CSMD1: variants seen among roughly 807,000 people sequenced by gnomAD.
The protein encoded by CSMD1 is CUB and sushi domain-containing protein 1.
In CSMD1, 213 loss-of-function variants were observed where a neutral mutation model predicts 417.5. The ratio of observed to expected loss-of-function variants is 0.51; its 90% CI spans 0.46 to 0.57. The LOEUF (loss-of-function observed/expected upper bound fraction) is 0.57, where lower values mean the gene tolerates loss of function less well. CSMD1 is among the 20% of genes least tolerant of loss of function. The pLI is 0.00. For synonymous variants in CSMD1, 2,862 were observed against 1,736.8 expected, an observed-to-expected ratio of 1.65 and a Z score of -16.11; for missense variants, 6,923 against 4,529.7, an observed-to-expected ratio of 1.53 and a Z score of -15.17.
At chr8:3,628,776 A>G (rs764254059) in intron 7 of CSMD1, among the ~76,000 whole-genome samples, 30 of 152,144 alleles carry the variant, frequency 2.0e-4, no homozygotes, top group Non-Finnish European at 3.8e-4. Context: ...CAGCCAAATT[A>G]TTAGTGGCTT....
At chr8:4,835,211 G>T (rs946168296) in intron 1 of CSMD1, among the ~76,000 whole-genome samples, 2 of 151,978 alleles carry the variant, frequency 1.3e-5, no homozygotes, top group Admixed American at 1.3e-4. Context: ...ATTTATTAGC[G>T]TCAGAGAGGA....
In CSMD1 at chr8:3,209,366, G is replaced by T. The variant is rs144030023; in HGVS notation, c.4868-3746C>A. On this transcript the variant is annotated intron_variant, in intron 30 of 69. Transcript: ENST00000635120. ...GAGTCTTGCTCTGTGGCCCAGGCTG[G>T]AGTACAGTGGCGTGATCTCGGCTCA... Among the ~76,000 whole-genome samples the T allele has an allele frequency of 5.4e-3, 827 of 152,064 alleles. 4 individuals are homozygous for T. The highest frequency in any genetic ancestry group is 0.01 in the South Asian group (48 of 4,800).
chr8:4,869,169 A>C (rs7825700), intron 1 of CSMD1, among the ~76,000 whole-genome samples: 1 of 151,930 alleles, frequency 6.6e-6, no homozygotes. Flanking sequence ...CTAGTAATAA[A>C]TATGGCAATA....
chr8:3,217,589 A>T (rs558037349), intron 29 of CSMD1, among the ~76,000 whole-genome samples: 5 of 152,216 alleles, frequency 3.3e-5, no homozygotes, highest in Non-Finnish European at 5.9e-5. Flanking sequence ...AATGCATTTT[A>T]GTGAATTCTT....
chr8:3,589,412 G>A (rs80171044), intron 8 of CSMD1, among the ~76,000 whole-genome samples: 36 of 151,142 alleles, frequency 2.4e-4, no homozygotes, highest in East Asian at 5.8e-4. Flanking sequence ...GTGTTCACGC[G>A]TGTGTGTACA....
rs181753875 is a variant in CSMD1 at position 3,757,537 on chromosome 8, T to C, written c.819-3495A>G. Among the ~76,000 whole-genome samples the C allele has an allele frequency of 4.2e-3, 638 of 152,326 alleles. 2 individuals are homozygous for C. The highest frequency in any genetic ancestry group is 6.8e-3 in the Non-Finnish European group (461 of 68,032). Reference sequence around the variant, plus strand: ...CAGATTTGGCCTGCAGGTACTAGTTTGCTGACCCCTGCTCTAGCATATATG... The same window carrying C: ...CAGATTTGGCCTGCAGGTACTAGTTCGCTGACCCCTGCTCTAGCATATATG... On this transcript the variant is annotated intron_variant, in intron 5 of 69. Coordinates refer to ENST00000635120, the MANE Select transcript of CSMD1 (RefSeq NM_033225.6).
intron 23 of CSMD1, among the ~76,000 whole-genome samples, chr8:3,320,498 G>C (rs1292589063): frequency 6.6e-6 from 1 of 152,170 alleles, no homozygotes; most frequent in African/African-American, 2.4e-5. Context: ...ATTTGTTGCT[G>C]CTGTTATGAC....
chr8:3,890,465 A>G (rs1318701667), intron 5 of CSMD1, among the ~76,000 whole-genome samples: 2 of 151,878 alleles, frequency 1.3e-5, no homozygotes, highest in Non-Finnish European at 2.9e-5. Context: ...ATTCCAGCTG[A>G]GTGAGGGAAG....
chr8:3,936,808 T>C (rs560600811), intron 5 of CSMD1, among the ~76,000 whole-genome samples: 184 of 152,304 alleles, frequency 1.2e-3, no homozygotes, highest in African/African-American at 4.2e-3. Context: ...TTAAGAAATA[T>C]GTTTCATAAG....
At chr8:3,509,906 G>A (rs145050868) in intron 10 of CSMD1, among the ~76,000 whole-genome samples, 4 of 152,106 alleles carry the variant, frequency 2.6e-5, no homozygotes, top group East Asian at 1.9e-4. Flanking sequence ...CCAGTGAAGC[G>A]ATGAGGGCAA....
intron 2 of CSMD1, among the ~76,000 whole-genome samples, chr8:4,506,071 C>T (rs929415406): frequency 5.9e-5 from 9 of 152,198 alleles, no homozygotes; most frequent in African/African-American, 1.9e-4. Flanking sequence ...CAATCAAAAG[C>T]CATTCGAATA....
chr8:4,836,871 T>A (rs1053732782), intron 1 of CSMD1, among the ~76,000 whole-genome samples: 1 of 152,014 alleles, frequency 6.6e-6, no homozygotes, highest in Non-Finnish European at 1.5e-5. Context: ...AGCCCAAAGC[T>A]TAGAGCCACC....
chr8:4,967,163 T>C (rs989689928), intron 1 of CSMD1, among the ~76,000 whole-genome samples: 1 of 152,166 alleles, frequency 6.6e-6, no homozygotes. Flanking sequence ...ATTCGGAAAA[T>C]AATTTTAAAC....
chr8:3,325,891 T>C (rs1806496331), intron 23 of CSMD1, among the ~76,000 whole-genome samples: 1 of 152,146 alleles, frequency 6.6e-6, no homozygotes, highest in Non-Finnish European at 1.5e-5. Context: ...GTGAATCCAC[T>C]ATCAGATCAT....
chr8:4,454,835 G>T (rs966500333), intron 2 of CSMD1, among the ~76,000 whole-genome samples: 1 of 152,046 alleles, frequency 6.6e-6, no homozygotes, highest in South Asian at 2.1e-4. Flanking sequence ...AAGAGCAAAG[G>T]TTTTTTTCCA....
chr8:3,241,993 G>C (rs1413555319), intron 26 of CSMD1, among the ~76,000 whole-genome samples: 2 of 93,154 alleles, frequency 2.1e-5, no homozygotes, highest in Admixed American at 1.1e-4. Flanking sequence ...TTAGGGTCTA[G>C]GGCTGTAAAG....
At chr8:4,018,049 T>C (rs1796607892) in intron 4 of CSMD1, among the ~76,000 whole-genome samples, 1 of 149,194 alleles carries the variant, frequency 6.7e-6, no homozygotes, top group Non-Finnish European at 1.5e-5. Context: ...AAACTGTCAC[T>C]AGTGTGGGTA....
chr8:4,240,180 C>T (rs1246120611), intron 3 of CSMD1, among the ~76,000 whole-genome samples: 3 of 152,350 alleles, frequency 2.0e-5, no homozygotes, highest in East Asian at 1.9e-4. Flanking sequence ...AACAAGGCCA[C>T]TGAGGTTCCC....
At chr8:4,544,924 C>G (rs968898501) in intron 2 of CSMD1, among the ~76,000 whole-genome samples, 3 of 152,204 alleles carry the variant, frequency 2.0e-5, no homozygotes, top group Admixed American at 2.0e-4. Context: ...CATTGAAATT[C>G]AGAAATATAT....
Sources: allele counts gnomAD v4.1 joint callset (sites outside exome capture counted in the v4.1 genomes callset), GRCh38; gene constraint gnomAD v4.1.1; transcripts MANE v1.5; gene names NCBI Gene and HGNC (gene_info 2026-07-23, HGNC 2026-07-21).